DHRS7B: variants seen among roughly 807,000 people sequenced by gnomAD.
DHRS7B encodes the protein peroxisomal reductase activating PPAR-gamma.
In DHRS7B, 24 loss-of-function variants were observed where a neutral mutation model predicts 26.4. That is an observed-to-expected ratio of 0.91 (90% CI 0.66 to 1.28). The LOEUF (loss-of-function observed/expected upper bound fraction) is 1.28. DHRS7B is among the 50% of genes most tolerant of loss of function. The probability of loss-of-function intolerance (pLI) is 0.00; values close to 1 mark genes in which losing one functional copy is unlikely to be tolerated. For missense variants in DHRS7B, 368 were observed against 419.4 expected (o/e 0.88, Z 1.07); for synonymous variants, 142 against 166.4 (o/e 0.85, Z 1.13).
chr17:21,184,285 T>C, intron 4 of DHRS7B, 86 bp from the exon 5 acceptor site: 1 of 1,206,668 alleles, frequency 8.3e-7, no homozygotes, highest in Non-Finnish European at 1.2e-6. Flanking sequence ...TCTGACTAAA[T>C]ATCAAAAGCA....
intron 1 of DHRS7B, among the ~76,000 whole-genome samples, chr17:21,141,398 C>T (rs1326690957): frequency 6.6e-6 from 1 of 152,050 alleles, no homozygotes; most frequent in African/African-American, 2.4e-5. Context: ...TAGAATGCAT[C>T]TCTGAACTAG....
chr17:21,172,986 T>C (rs758962077), intron 2 of DHRS7B, among the ~76,000 whole-genome samples: 4 of 152,170 alleles, frequency 2.6e-5, no homozygotes, highest in Admixed American at 6.5e-5. Flanking sequence ...TTACTCTGAG[T>C]TCCATGGAAG....
intron 1 of DHRS7B, among the ~76,000 whole-genome samples, chr17:21,164,030 C>T (rs1237607978): frequency 8.0e-4 from 78 of 96,922 alleles, no homozygotes; most frequent in African/African-American, 1.0e-3. Context: ...AATTGTTGTG[C>T]TTTTTTTTTT....
At chr17:21,170,524 G>A (rs1049350428) in intron 1 of DHRS7B, among the ~76,000 whole-genome samples, 15 of 152,202 alleles carry the variant, frequency 9.9e-5, no homozygotes, top group African/African-American at 3.6e-4. Flanking sequence ...GCAGATAGTA[G>A]CTGAGGTGTT....
rs918086460 is a variant in DHRS7B, at chr17:21,150,866, G to T, written c.21-21152G>T. Among the ~76,000 whole-genome samples the T allele has an allele frequency of 5.3e-5, 8 of 152,254 alleles. No homozygotes were observed. In the East Asian group the frequency reaches 5.8e-4, roughly 11 times the overall value. On this transcript the variant is annotated intron_variant, in intron 1 of 6. Coordinates refer to ENST00000395511, the MANE Select transcript of DHRS7B (RefSeq NM_015510.5). ...TTCTTAAATTAATCACAGCTGCAAA[G>T]TTTCTTTTTACCATATAACTGAAGT... is the stretch of plus-strand genomic sequence containing the variant.
At chr17:21,160,011 G>A (rs1973966641) in intron 1 of DHRS7B, among the ~76,000 whole-genome samples, 1 of 152,130 alleles carries the variant, frequency 6.6e-6, no homozygotes, top group Non-Finnish European at 1.5e-5. Context: ...TTTGAGGTCA[G>A]GAGTTCAAGA....
intron 1 of DHRS7B, chr17:21,168,838 G>A: frequency 1.0e-6 from 1 of 985,480 alleles, no homozygotes; most frequent in Non-Finnish European, 1.2e-6. Context: ...GGAGACCAAG[G>A]CTGGCCTGTG....
intron 1 of DHRS7B, chr17:21,166,581 G>GA: frequency 1.6e-5 from 8 of 508,164 alleles, no homozygotes; most frequent in Non-Finnish European, 2.0e-5. Flanking sequence ...TTTACTTTCT[G>GA]AAAATGACAG....
At chr17:21,180,097 G>T in intron 3 of DHRS7B, among the ~76,000 whole-genome samples, 1 of 145,932 alleles carries the variant, frequency 6.9e-6, no homozygotes, top group Admixed American at 6.9e-5. Flanking sequence ...TTTTTTGAGA[G>T]GGAGTCTCGC....
intron 5 of DHRS7B, 114 bp downstream of exon 5, chr17:21,184,577 G>C: frequency 3.8e-6 from 4 of 1,040,064 alleles, no homozygotes; most frequent in Non-Finnish European, 5.6e-6. Flanking sequence ...TATCCAGAAT[G>C]CAAAGGCACT....
intron 3 of DHRS7B, among the ~76,000 whole-genome samples, chr17:21,178,749 C>G (rs894012453): frequency 1.8e-4 from 27 of 151,748 alleles, no homozygotes; most frequent in Non-Finnish European, 4.4e-5. Flanking sequence ...ATCTCTGCCC[C>G]CTGGGTTCAA....
At chr17:21,187,435 C>T (rs1431618264) in intron 5 of DHRS7B, among the ~76,000 whole-genome samples, 1 of 151,876 alleles carries the variant, frequency 6.6e-6, no homozygotes, top group African/African-American at 2.4e-5. Context: ...ACCATCCTGG[C>T]TAACATAGTG....
At chr17:21,130,065 T>C (rs1336098292) in intron 1 of DHRS7B, among the ~76,000 whole-genome samples, 1 of 152,168 alleles carries the variant, frequency 6.6e-6, no homozygotes, top group Non-Finnish European at 1.5e-5. Flanking sequence ...GTGATAGGGA[T>C]AGGGCTGGGG....
At chr17:21,160,878 C>CT (rs1293453898) in intron 1 of DHRS7B, among the ~76,000 whole-genome samples, 2 of 151,232 alleles carry the variant, frequency 1.3e-5, no homozygotes, top group African/African-American at 2.4e-5. Flanking sequence ...TTATTCAGTA[C>CT]TAAAAAAAAA....
chr17:21,176,784 G>A, intron 2 of DHRS7B, among the ~76,000 whole-genome samples: 1 of 151,910 alleles, frequency 6.6e-6, no homozygotes, highest in Non-Finnish European at 1.5e-5. Context: ...TAGATAAAAA[G>A]CATCCTAAAT....
chr17:21,176,225 C>T (rs1033779223), intron 2 of DHRS7B, among the ~76,000 whole-genome samples: 1 of 151,978 alleles, frequency 6.6e-6, no homozygotes, highest in South Asian at 2.1e-4. Flanking sequence ...TGGGCTCAAG[C>T]GATCCTTCTG....
At chr17:21,184,504 T>C in intron 5 of DHRS7B, 41 bp downstream of exon 5, 1 of 1,552,440 alleles carries the variant, frequency 6.4e-7, no homozygotes, top group South Asian at 1.1e-5. Context: ...GGCTTTATTG[T>C]TTTTTCCTGA....
At chr17:21,158,018 G>A (rs1274618698) in intron 1 of DHRS7B, among the ~76,000 whole-genome samples, 1 of 152,014 alleles carries the variant, frequency 6.6e-6, no homozygotes, top group Non-Finnish European at 1.5e-5. Flanking sequence ...CATATCAGTA[G>A]CTGCAGAGAA....
At chr17:21,158,710 G>A (rs750075240) in intron 1 of DHRS7B, among the ~76,000 whole-genome samples, 5 of 152,158 alleles carry the variant, frequency 3.3e-5, no homozygotes, top group Non-Finnish European at 7.3e-5. Flanking sequence ...AGTTTATGTG[G>A]AAAGGCAAAA....
Sources: gnomAD v4.1 joint callset for allele counts (sites outside exome capture counted in the v4.1 genomes callset) on GRCh38, gnomAD v4.1.1 for gene constraint, MANE v1.5 for transcripts, NCBI Gene and HGNC (gene_info 2026-07-23, HGNC 2026-07-21) for gene names.